Variants in TSC1 observed in about 807,000 individuals in gnomAD.
TSC1 encodes the protein hamartin.
Under a neutral mutation model 124.3 loss-of-function variants are expected in TSC1, and 20 were observed. The observed-to-expected ratio is 0.16, with a 90% confidence interval of 0.11 to 0.23. TSC1 has a LOEUF of 0.23. Among genes scored for constraint, TSC1 ranks in the 10% least tolerant of loss-of-function variants. The probability of loss-of-function intolerance (pLI) is 1.00; values close to 1 mark genes in which losing one functional copy is unlikely to be tolerated. For synonymous variants in TSC1, 493 were observed against 539.1 expected (o/e 0.91, Z 1.19); for missense variants, 1,124 against 1,448.5 (o/e 0.78, Z 3.64).
intron 8 of TSC1, 112 bp from the exon 9 acceptor site, chr9:132,912,569 G>T: frequency 8.1e-7 from 1 of 1,233,930 alleles, no homozygotes; most frequent in Non-Finnish European, 1.2e-6. Flanking sequence ...GAACAAGCGG[G>T]ACCATGCCAG....
At chr9:132,925,134 G>A (rs1363707445) in intron 5 of TSC1, 1 of 172,858 alleles carries the variant, frequency 5.8e-6, no homozygotes, top group East Asian at 1.6e-4. Flanking sequence ...GCAAAAAATA[G>A]AATGCAACTT....
At chr9:132,919,831 A>G (rs1846452139) in intron 8 of TSC1, among the ~76,000 whole-genome samples, 1 of 152,208 alleles carries the variant, frequency 6.6e-6, no homozygotes. Context: ...GTCCTGCACT[A>G]TCTTTTTAAT....
chr9:132,930,030 T>G (rs538943752), intron 2 of TSC1, among the ~76,000 whole-genome samples: 2 of 152,300 alleles, frequency 1.3e-5, no homozygotes, highest in South Asian at 2.1e-4. Context: ...ATTTTACACA[T>G]GGGGATATGC....
chr9:132,935,620 A>T (rs1250786252), intron 1 of TSC1, among the ~76,000 whole-genome samples: 1 of 152,204 alleles, frequency 6.6e-6, no homozygotes, highest in African/African-American at 2.4e-5. Flanking sequence ...CAGGTCCAGG[A>T]CAGTGAGAGG....
intron 9 of TSC1, among the ~76,000 whole-genome samples, chr9:132,911,780 A>C (rs1845982125): frequency 6.6e-6 from 1 of 152,156 alleles, no homozygotes; most frequent in Non-Finnish European, 1.5e-5. Flanking sequence ...CTTTGAAATA[A>C]AGTTCAATAA....
chr9:132,901,205 C>T (rs1220760975), intron 19 of TSC1, among the ~76,000 whole-genome samples: 1 of 152,200 alleles, frequency 6.6e-6, no homozygotes, highest in African/African-American at 2.4e-5. Context: ...TGCAGTGATT[C>T]CCAAAGAAGG....
At position 132,925,806 on chromosome 9, in the gene TSC1, C is replaced by G. The variant is rs2132242942; in HGVS notation, c.211-67G>C. On this transcript the variant is annotated intron_variant, in intron 4 of 22. Transcript: ENST00000298552. ...ATGAAGTTAACACAAATAAAGACAG[C>G]AATGATGTGCTCCAATCTCTCAAGT... 1.9e-6 allele frequency: 3 copies of G among 1,570,406 alleles called. No homozygotes were observed. The Admixed American group carries it at 5.0e-5, about 26-fold the overall frequency.
intron 12 of TSC1, among the ~76,000 whole-genome samples, chr9:132,907,825 G>A (rs1376117485): frequency 6.6e-6 from 1 of 152,146 alleles, no homozygotes; most frequent in Non-Finnish European, 1.5e-5. Context: ...GGTGGCCCAC[G>A]CCTGTAGTCC....
In TSC1 at chr9:132,891,787, C is replaced by T. The variant is rs1007183349; in HGVS notation, c.*4448G>A. ...TACTGATTCTTCCTAGTGCAAAATG[C>T]GTGGCTGCCTCTTTCATAAGCCAAA... On this transcript the variant is annotated 3_prime_UTR_variant, in exon 23 of 23. Coordinates refer to ENST00000298552, the MANE Select transcript of TSC1 (RefSeq NM_000368.5). 6.9e-5 allele frequency: 16 copies of T among 233,460 alleles called. No individual in the cohort carries two copies. In the East Asian group the frequency reaches 7.8e-4, roughly 11 times the overall value. The allele number at this position is 233,460 out of a possible 1,614,324, so 14.5% of individuals were successfully genotyped here.
At chr9:132,904,719 T>C (rs933469413) in intron 15 of TSC1, among the ~76,000 whole-genome samples, 4 of 152,178 alleles carry the variant, frequency 2.6e-5, no homozygotes, top group Non-Finnish European at 5.9e-5. Context: ...GCGGAGAGGG[T>C]TGCAGGCTGA....
chr9:132,930,587 CAAAAAAAAAAA>C (rs58163733), intron 2 of TSC1, among the ~76,000 whole-genome samples: 1 of 45,248 alleles, frequency 2.2e-5, no homozygotes, highest in East Asian at 7.3e-4. Flanking sequence ...GACTCTGCCT[CAAAAAAAAAAA>C]AAAAAAAAAA....
At chr9:132,943,227 T>C (rs1847834452) in intron 1 of TSC1, among the ~76,000 whole-genome samples, 2 of 140,036 alleles carry the variant, frequency 1.4e-5, no homozygotes, top group Non-Finnish European at 3.1e-5. Flanking sequence ...GTATGCTTTC[T>C]ATTTAAAAAA....
rs2131836226 is a variant in TSC1 at position 132,905,940 on chromosome 9, G to A, written c.1638C>T (p.Asp546=). Residue 546 remains aspartate, a synonymous_variant, in exon 15 of 23, where the codon GAC becomes GAT. Coordinates refer to ENST00000298552, the MANE Select transcript of TSC1 (RefSeq NM_000368.5). ...TGGGAGTAAAGGCTTGCTTTGGTGT[G>A]TCAGGCCCAAGCTTGTCCAGGGAGG... ...LHSSLDKLGP[D]TPKQAFTPID... is the part of the protein sequence containing the mutation. 1 of 1,613,974 alleles carries A rather than the reference G, an allele frequency of 6.2e-7. No homozygotes were observed. Among genetic ancestry groups the A allele is most frequent in the Non-Finnish European group, 8.5e-7 (1 of 1,179,826 alleles).
In TSC1 at chr9:132,896,301, C is replaced by CG; in HGVS notation, c.3428dup (p.Thr1144AspfsTer15). On this transcript the variant is annotated frameshift_variant, in exon 23 of 23. Transcript: ENST00000298552. LOFTEE classifies it high-confidence loss of function. This position sits in a 1 kb window ranked among gnomAD's most constrained non-coding sequence, Gnocchi z 4.5. ...GTAGCTGTCCAACACTGTCCGGGGT[C>CG]GGGGGAGACGGGTGAGGGCCATCTA... The CG allele has an allele frequency of 6.2e-7, 1 of 1,614,160 alleles. No homozygotes were observed. Among genetic ancestry groups the CG allele is most frequent in the South Asian group, 1.1e-5 (1 of 91,084 alleles).
At chr9:132,944,275 C>A (rs1489102993) in intron 1 of TSC1, among the ~76,000 whole-genome samples, 2 of 152,122 alleles carry the variant, frequency 1.3e-5, no homozygotes, top group Admixed American at 1.3e-4. Flanking sequence ...CAGGGTGCAG[C>A]CGTCCCCTCG....
At chr9:132,900,674 C>T (rs774673604) in intron 20 of TSC1, 41 bp downstream of exon 20, 7 of 1,612,474 alleles carry the variant, frequency 4.3e-6, no homozygotes, top group South Asian at 3.3e-5. Context: ...GGGTCTGAAA[C>T]GCTTTCCCCA....
intron 4 of TSC1, chr9:132,926,627 G>C (rs2132254780): frequency 6.4e-6 from 1 of 157,170 alleles, no homozygotes; most frequent in East Asian, 1.9e-4. Context: ...GTACCTATGG[G>C]CCAAATCATC....
chr9:132,896,860 T>A lies in TSC1; in HGVS notation c.2976-106A>T. 1 of 1,535,256 alleles carries A rather than the reference T, an allele frequency of 6.5e-7. No individual in the cohort carries two copies. Among genetic ancestry groups the A allele is most frequent in the Non-Finnish European group, 9.0e-7 (1 of 1,111,430 alleles). ...CACTCACACTGACACTGAACTCCGC[T>A]AGCCCACTCTCTGTTTTATAATACT... On this transcript the variant is annotated intron_variant, in intron 22 of 22. Coordinates refer to ENST00000298552, the MANE Select transcript of TSC1 (RefSeq NM_000368.5). The surrounding 1 kb of genome is among the most constrained non-coding windows in gnomAD (Gnocchi z 4.5).
In TSC1 at chr9:132,921,791, A is replaced by G. The variant is rs2132147559; in HGVS notation, c.663+28T>C. On this transcript the variant is annotated intron_variant, in intron 7 of 22. Coordinates refer to ENST00000298552, the MANE Select transcript of TSC1 (RefSeq NM_000368.5). This position sits in a 1 kb window ranked among gnomAD's most constrained non-coding sequence, Gnocchi z 4.3. ...AGCCTATCTAAACAGTATACTAAGT[A>G]GCAAACAAACAAGCAGTTTCAATTT... 1 of 1,613,750 alleles carries G rather than the reference A, an allele frequency of 6.2e-7. No individual in the cohort carries two copies. Among genetic ancestry groups the G allele is most frequent in the African/African-American group, 1.3e-5 (1 of 75,056 alleles).
Sources: allele counts gnomAD v4.1 joint callset (sites outside exome capture counted in the v4.1 genomes callset), GRCh38; gene constraint gnomAD v4.1.1; non-coding constraint Gnocchi (gnomAD v3.1); transcripts MANE v1.5; gene names NCBI Gene and HGNC (gene_info 2026-07-23, HGNC 2026-07-21).